Variants in BMPR1B observed in about 807,000 individuals in gnomAD.
The protein encoded by BMPR1B is bone morphogenetic protein receptor type 1B.
In BMPR1B, 12 loss-of-function variants were observed where a neutral mutation model predicts 59.1. That is an observed-to-expected ratio of 0.20 (90% CI 0.13 to 0.33). The LOEUF (loss-of-function observed/expected upper bound fraction) is 0.33. BMPR1B is among the 10% of genes least tolerant of loss of function. The probability of loss-of-function intolerance (pLI) is 1.00; values close to 1 mark genes in which losing one functional copy is unlikely to be tolerated. For synonymous variants in BMPR1B, 237 were observed against 207.3 expected, an observed-to-expected ratio of 1.14 and a Z score of -1.23; for missense variants, 550 against 610.9, an observed-to-expected ratio of 0.90 and a Z score of 1.05.
intron 2 of BMPR1B, among the ~76,000 whole-genome samples, chr4:94,962,852 G>A (rs1010767269): frequency 6.6e-6 from 1 of 152,132 alleles, no homozygotes; most frequent in Non-Finnish European, 1.5e-5. Flanking sequence ...TAGGATTGCT[G>A]GATCTTGTGG....
intron 10 of BMPR1B, among the ~76,000 whole-genome samples, 169 bp downstream of exon 10, chr4:95,131,681 G>A (rs1435211193): frequency 6.6e-6 from 1 of 152,112 alleles, no homozygotes; most frequent in Non-Finnish European, 1.5e-5. Flanking sequence ...ATTTGGGTCT[G>A]TTCTATTGTT....
intron 4 of BMPR1B, among the ~76,000 whole-genome samples, chr4:95,111,512 A>G (rs945567014): frequency 2.0e-5 from 3 of 152,104 alleles, no homozygotes; most frequent in African/African-American, 4.8e-5. Flanking sequence ...TACAACAACT[A>G]ATGAATGAGT....
intron 4 of BMPR1B, among the ~76,000 whole-genome samples, chr4:95,107,316 A>G (rs564688277): frequency 2.0e-4 from 31 of 152,182 alleles, no homozygotes; most frequent in African/African-American, 6.3e-4. Flanking sequence ...AAAAATGGCA[A>G]TCAGATTTAT....
intron 3 of BMPR1B, among the ~76,000 whole-genome samples, chr4:95,062,086 C>T (rs926812003): frequency 2.6e-5 from 4 of 152,156 alleles, no homozygotes; most frequent in Non-Finnish European, 5.9e-5. Flanking sequence ...CCTGTACAGC[C>T]TGTGGAACTG....
intron 1 of BMPR1B, among the ~76,000 whole-genome samples, chr4:94,857,074 CTT>C (rs887658271): frequency 6.6e-6 from 1 of 151,890 alleles, no homozygotes; most frequent in African/African-American, 2.4e-5. Context: ...TTCAGGAACT[CTT>C]TCAGATTTCA....
intron 1 of BMPR1B, among the ~76,000 whole-genome samples, chr4:94,820,057 T>C (rs962916509): frequency 1.3e-5 from 2 of 152,148 alleles, no homozygotes; most frequent in African/African-American, 4.8e-5. Context: ...CTGAATTTAT[T>C]ATCAGTCTCA....
intron 3 of BMPR1B, among the ~76,000 whole-genome samples, chr4:95,074,613 G>T (rs1388304024): frequency 6.6e-6 from 1 of 151,958 alleles, no homozygotes; most frequent in Non-Finnish European, 1.5e-5. Flanking sequence ...TGTTCTCTTG[G>T]TTCTAATATG....
chr4:94,956,094 A>G (rs754945591), intron 2 of BMPR1B, among the ~76,000 whole-genome samples: 4 of 152,214 alleles, frequency 2.6e-5, no homozygotes, highest in Non-Finnish European at 5.9e-5. Flanking sequence ...ACCTTTACAA[A>G]TTCTTGGTAT....
intron 1 of BMPR1B, among the ~76,000 whole-genome samples, chr4:94,812,482 C>T (rs530500970): frequency 7.2e-5 from 11 of 152,268 alleles, no homozygotes; most frequent in African/African-American, 2.4e-4. Context: ...GGGATGTGCA[C>T]CTGTCCCAGT....
intron 2 of BMPR1B, among the ~76,000 whole-genome samples, chr4:94,988,952 A>G (rs1271996569): frequency 6.6e-6 from 1 of 152,040 alleles, no homozygotes; most frequent in Non-Finnish European, 1.5e-5. Context: ...ATTCATTTAC[A>G]CTGAGCGTCA....
chr4:95,027,216 C>T (rs1724490953), intron 3 of BMPR1B, among the ~76,000 whole-genome samples: 1 of 152,056 alleles, frequency 6.6e-6, no homozygotes, highest in African/African-American at 2.4e-5. Flanking sequence ...ATACTTGTTT[C>T]CAAATTTAAA....
intron 2 of BMPR1B, among the ~76,000 whole-genome samples, chr4:94,978,117 T>G (rs1036496939): frequency 6.6e-6 from 1 of 152,256 alleles, no homozygotes; most frequent in African/African-American, 2.4e-5. Context: ...TTCCATATGC[T>G]GTCCAGTTCC....
intron 2 of BMPR1B, among the ~76,000 whole-genome samples, chr4:94,929,323 T>C (rs73838611): frequency 0.15 from 22,609 of 152,078 alleles, 2,108 homozygotes; most frequent in African/African-American, 0.27. Flanking sequence ...ATATGTGCCG[T>C]GACCTATGCT....
At chr4:94,795,267 A>G (rs574246221) in intron 1 of BMPR1B, among the ~76,000 whole-genome samples, 6 of 145,540 alleles carry the variant, frequency 4.1e-5, no homozygotes, top group African/African-American at 1.0e-4. Context: ...TTCTGCATCT[A>G]TTGAGATAAT....
intron 2 of BMPR1B, among the ~76,000 whole-genome samples, chr4:94,910,068 C>G (rs902593132): frequency 3.3e-5 from 5 of 151,982 alleles, no homozygotes. Context: ...AAAAAAGAGC[C>G]TTTAAAAGAC....
chr4:94,866,677 C>T (rs1279105900), intron 1 of BMPR1B, among the ~76,000 whole-genome samples: 1 of 152,120 alleles, frequency 6.6e-6, no homozygotes, highest in East Asian at 1.9e-4. Flanking sequence ...CTCCGACTCC[C>T]TGGTTCAAGC....
At chr4:94,850,310 T>C (rs1725518524) in intron 1 of BMPR1B, among the ~76,000 whole-genome samples, 1 of 152,006 alleles carries the variant, frequency 6.6e-6, no homozygotes. Flanking sequence ...GCAAAGGAAA[T>C]TAATGAATAG....
intron 6 of BMPR1B, among the ~76,000 whole-genome samples, chr4:95,117,543 A>G (rs1201836991): frequency 6.6e-6 from 1 of 152,066 alleles, no homozygotes; most frequent in Non-Finnish European, 1.5e-5. Context: ...AGCAGTTTGG[A>G]AGACCAAAGT....
At chr4:94,787,765 G>T (rs554122276) in intron 1 of BMPR1B, among the ~76,000 whole-genome samples, 11 of 150,938 alleles carry the variant, frequency 7.3e-5, no homozygotes, top group African/African-American at 2.7e-4. Flanking sequence ...AACTTAGATG[G>T]GTAGAAAGAA....
Sources: gnomAD v4.1 joint callset for allele counts (sites outside exome capture counted in the v4.1 genomes callset) on GRCh38, gnomAD v4.1.1 for gene constraint, MANE v1.5 for transcripts, NCBI Gene and HGNC (gene_info 2026-07-23, HGNC 2026-07-21) for gene names.